Variants in CTNNA2 observed in about 807,000 individuals in gnomAD.
CTNNA2 encodes the protein catenin alpha-2.
In CTNNA2, 42 loss-of-function variants were observed where a neutral mutation model predicts 101.0. The ratio of observed to expected loss-of-function variants is 0.42; its 90% CI spans 0.32 to 0.54. The LOEUF (loss-of-function observed/expected upper bound fraction) is 0.54, where lower values mean the gene tolerates loss of function less well. Ranked by LOEUF, CTNNA2 falls within the 20% of genes least tolerant of loss-of-function variation. CTNNA2 has a pLI of 0.14. For synonymous variants in CTNNA2, 450 were observed against 456.4 expected, an observed-to-expected ratio of 0.99 and a Z score of 0.18; for missense variants, 871 against 1,223.1, an observed-to-expected ratio of 0.71 and a Z score of 4.29.
At chr2:80,330,110 C>G (rs1671187545) in intron 7 of CTNNA2, among the ~76,000 whole-genome samples, 1 of 152,250 alleles carries the variant, frequency 6.6e-6, no homozygotes, top group African/African-American at 2.4e-5. Context: ...GGATTTTCCA[C>G]TCTAAGCTCT....
intron 2 of CTNNA2, among the ~76,000 whole-genome samples, chr2:79,215,252 T>C (rs1244747591): frequency 6.6e-6 from 1 of 152,156 alleles, no homozygotes; most frequent in African/African-American, 2.4e-5. Flanking sequence ...TTCCTTGGCC[T>C]GGTTGCCAGA....
At chr2:79,691,571 A>G (rs947378428) in intron 2 of CTNNA2, among the ~76,000 whole-genome samples, 10 of 152,150 alleles carry the variant, frequency 6.6e-5, no homozygotes, top group Non-Finnish European at 1.3e-4. Flanking sequence ...AGCCAGGACA[A>G]TCCTAAGCAA....
chr2:79,746,406 G>GTGT (rs1671649586), intron 3 of CTNNA2, among the ~76,000 whole-genome samples: 1 of 152,034 alleles, frequency 6.6e-6, no homozygotes, highest in South Asian at 2.1e-4. Context: ...TTAAATTTTG[G>GTGT]TGTAGTCCTA....
chr2:79,715,833 A>G (rs1346622907), intron 2 of CTNNA2, among the ~76,000 whole-genome samples: 1 of 148,602 alleles, frequency 6.7e-6, no homozygotes, highest in Non-Finnish European at 1.5e-5. Flanking sequence ...ATATACTAGG[A>G]TAGATACGTC....
In CTNNA2 at chr2:79,870,083, G is replaced by A. The variant is rs1478301254; in HGVS notation, c.585+148G>A. On this transcript the variant is annotated intron_variant, in intron 5 of 18. Coordinates refer to ENST00000402739, the MANE Select transcript of CTNNA2 (RefSeq NM_001282597.3). ...GATGACAAAGGTTGCTTCCTGCAGG[G>A]GCCAGTTGTGATGCCTTGGTGGGCT... The A allele has an allele frequency of 1.2e-5, 12 of 1,015,938 alleles. No individual in the cohort carries two copies. In the East Asian group the frequency reaches 2.8e-4, roughly 24 times the overall value. 62.9% of individuals were successfully genotyped at this position (1,015,938 alleles called of 1,614,324 possible).
intron 7 of CTNNA2, among the ~76,000 whole-genome samples, chr2:79,927,870 G>T (rs1055186305): frequency 6.6e-6 from 1 of 152,014 alleles, no homozygotes; most frequent in African/African-American, 2.4e-5. Flanking sequence ...ACATTCCAGG[G>T]TCTCTTTGAA....
intron 9 of CTNNA2, among the ~76,000 whole-genome samples, chr2:80,455,377 G>C (rs557122303): frequency 8.5e-5 from 13 of 152,272 alleles, no homozygotes; most frequent in African/African-American, 3.1e-4. Context: ...CTATCAGGAG[G>C]GTTGAGAAGG....
At chr2:80,173,502 A>C (rs546891817) in intron 7 of CTNNA2, among the ~76,000 whole-genome samples, 2 of 152,236 alleles carry the variant, frequency 1.3e-5, no homozygotes, top group Non-Finnish European at 2.9e-5. Flanking sequence ...AGAACTCTAA[A>C]TAAGACCTTA....
intron 3 of CTNNA2, among the ~76,000 whole-genome samples, chr2:79,365,282 TA>T (rs34016381): frequency 0.66 from 98,543 of 148,608 alleles, 32,509 homozygotes; most frequent in Admixed American, 0.72. Flanking sequence ...ATCTCAAAAA[TA>T]AAAAAAAAAA....
At chr2:80,279,392 A>T (rs1674186936) in intron 7 of CTNNA2, among the ~76,000 whole-genome samples, 1 of 152,142 alleles carries the variant, frequency 6.6e-6, no homozygotes, top group Non-Finnish European at 1.5e-5. Flanking sequence ...ACTGGCCTGG[A>T]CACAGCGTCT....
rs76320748 is a variant in CTNNA2, at chr2:79,705,925, A to T, written c.103-38462A>T. ...TAAGTAGTTAGAGAACAAGCTACAGAGAAGAGGTCATATGTAAGAAGGGAC... is the reference window on the plus strand; with the variant it reads ...TAAGTAGTTAGAGAACAAGCTACAGTGAAGAGGTCATATGTAAGAAGGGAC... On this transcript the variant is annotated intron_variant, in intron 2 of 18. Coordinates refer to ENST00000402739, the MANE Select transcript of CTNNA2 (RefSeq NM_001282597.3). Among the ~76,000 whole-genome samples the T allele has an allele frequency of 4.6e-3, 698 of 152,322 alleles. 7 individuals carry two copies. Among genetic ancestry groups the T allele is most frequent in the African/African-American group, 0.015 (639 of 41,564 alleles).
intron 7 of CTNNA2, among the ~76,000 whole-genome samples, chr2:80,223,350 C>A (rs1187678597): frequency 6.6e-6 from 1 of 152,358 alleles, no homozygotes; most frequent in Admixed American, 6.5e-5. Flanking sequence ...TCTCGGCTCA[C>A]AGCAACCTCT....
rs191662694 is a variant in CTNNA2 at position 79,422,041 on chromosome 2, T to C, written c.-135+48028T>C. On this transcript the variant is annotated intron_variant, in intron 4 of 21. Coordinates refer to the CTNNA2 transcript ENST00000466387. ...GGTGGCACACTCCTCTAATCCCAGT[T>C]ACTTGGGAGGCTGAGGCAGGAGAAT... Among the ~76,000 whole-genome samples, 5 of 152,196 alleles carry C rather than the reference T, an allele frequency of 3.3e-5. 1 individual carries two copies. The highest frequency in any genetic ancestry group is 1.2e-4 in the African/African-American group (5 of 41,540).
At chr2:79,578,895 A>G (rs1398374923) in intron 1 of CTNNA2, among the ~76,000 whole-genome samples, 1 of 151,862 alleles carries the variant, frequency 6.6e-6, no homozygotes, top group East Asian at 1.9e-4. Context: ...ATATCTGTTC[A>G]TTTAAAAACC....
At chr2:79,343,749 T>G (rs1023016968) in intron 3 of CTNNA2, among the ~76,000 whole-genome samples, 153 of 149,810 alleles carry the variant, frequency 1.0e-3, no homozygotes, top group African/African-American at 3.5e-3. Context: ...ATTATTATTA[T>G]TATTATTATT....
chr2:79,887,159 C>A (rs1161717778), intron 6 of CTNNA2, among the ~76,000 whole-genome samples: 1 of 151,856 alleles, frequency 6.6e-6, no homozygotes, highest in East Asian at 1.9e-4. Context: ...CAGTGGCTGC[C>A]GGGGGGAGAA....
At chr2:80,572,274 A>G (rs1037576387) in intron 12 of CTNNA2, among the ~76,000 whole-genome samples, 6 of 152,214 alleles carry the variant, frequency 3.9e-5, no homozygotes, top group African/African-American at 1.4e-4. Flanking sequence ...TGTATTTATC[A>G]GCAATATGGA....
rs1676072901 is a variant in CTNNA2, at chr2:79,299,996, G to C, written c.-405-12713G>C. ...TAACTGCCAACACACAGTTTCCACT[G>C]TTATTAATATCTTGCATTAGTGTAA... On this transcript the variant is annotated intron_variant, in intron 2 of 21. Transcript: ENST00000466387. 1.3e-5 allele frequency among the ~76,000 whole-genome samples: 2 copies of C among 152,232 alleles called. 1 individual carries two copies. The highest frequency in any genetic ancestry group is 4.1e-4 in the South Asian group (2 of 4,820).
intron 4 of CTNNA2, among the ~76,000 whole-genome samples, chr2:79,448,787 G>C (rs1678859123): frequency 6.6e-6 from 1 of 152,056 alleles, no homozygotes; most frequent in African/African-American, 2.4e-5. Flanking sequence ...ATGCCATGAA[G>C]AGTTAATACC....
Sources: gnomAD v4.1 joint callset for allele counts (sites outside exome capture counted in the v4.1 genomes callset) on GRCh38, gnomAD v4.1.1 for gene constraint, MANE v1.5 for transcripts, NCBI Gene and HGNC (gene_info 2026-07-23, HGNC 2026-07-21) for gene names.